Variants in TSPAN33 observed in about 807,000 individuals in gnomAD.
The protein encoded by TSPAN33 is tetraspanin-33.
TSPAN33 carries 27 observed loss-of-function variants against 34.8 expected under a neutral mutation model. That is an observed-to-expected ratio of 0.78 (90% confidence interval 0.57 to 1.07). TSPAN33 has a LOEUF of 1.07. Ranked by LOEUF, TSPAN33 falls within the 50% of genes least tolerant of loss-of-function variation. The pLI is 0.00. For synonymous variants in TSPAN33, 119 were observed against 124.2 expected (o/e 0.96, Z 0.28); for missense variants, 272 against 324.9 (o/e 0.84, Z 1.25).
chr7:129,166,911 G>A lies in TSPAN33; in HGVS notation c.588+5G>A. 2 of 1,612,066 alleles carry A rather than the reference G, an allele frequency of 1.2e-6. No homozygotes were observed. The highest frequency in any genetic ancestry group is 1.8e-4 in the Middle Eastern group (1 of 5,648). On this transcript the variant is annotated splice_donor_5th_base_variant and intron_variant, in intron 6 of 7. Transcript: ENST00000486685. ...TGCTTGCCTACTCCTGACCAGGTGA[G>A]CCAGCATCCTGCCTCATTTCCTCCT...
chr7:129,152,389 C>T (rs561864081), intron 1 of TSPAN33, among the ~76,000 whole-genome samples: 1 of 152,268 alleles, frequency 6.6e-6, no homozygotes, highest in East Asian at 1.9e-4. Context: ...AAGTATTATT[C>T]AGCGATAAAA....
Position 129,168,099 on chromosome 7 carries a change from G to T in TSPAN33, c.*225G>T, listed in dbSNP as rs903855384. ...CATCCCAGCCCTCAGCATTGTGCCAGAGTGATACCCTTAAGTGTTTGGGTT... is the reference window on the plus strand; with the variant it reads ...CATCCCAGCCCTCAGCATTGTGCCATAGTGATACCCTTAAGTGTTTGGGTT... On this transcript the variant is annotated 3_prime_UTR_variant, in exon 8 of 8. Coordinates refer to ENST00000486685, the MANE Select transcript of TSPAN33 (RefSeq NM_178562.5). The T allele has an allele frequency of 4.7e-6, 4 of 845,292 alleles. No individual in the cohort carries two copies. The African/African-American group carries it at 6.9e-5, about 15-fold the overall frequency. The allele number at this position is 845,292 out of a possible 1,614,324, so 52.4% of individuals were successfully genotyped here.
At chr7:129,145,963 T>C (rs1810514850) in intron 1 of TSPAN33, among the ~76,000 whole-genome samples, 1 of 151,952 alleles carries the variant, frequency 6.6e-6, no homozygotes, top group Middle Eastern at 3.2e-3. Flanking sequence ...GATCATGCAA[T>C]GCCAGCTCGA....
intron 1 of TSPAN33, among the ~76,000 whole-genome samples, chr7:129,147,403 G>A (rs1810535779): frequency 6.6e-6 from 1 of 152,124 alleles, no homozygotes; most frequent in South Asian, 2.1e-4. Context: ...TGTCCTGATT[G>A]CCCTTCCTAG....
chr7:129,146,704 T>G (rs1810524608), intron 1 of TSPAN33, among the ~76,000 whole-genome samples: 1 of 152,192 alleles, frequency 6.6e-6, no homozygotes, highest in African/African-American at 2.4e-5. Flanking sequence ...GGGGATGTAC[T>G]AAGAGACTCC....
In TSPAN33 at chr7:129,161,180, C is replaced by T. The variant is rs371483793; in HGVS notation, c.103-499C>T. ...CCTTGCACTCCTGGGCTCAAACCATCCTCCTGCCTCAGCCTGCTGAGTAGC... is the reference window on the plus strand; with the variant it reads ...CCTTGCACTCCTGGGCTCAAACCATTCTCCTGCCTCAGCCTGCTGAGTAGC... On this transcript the variant is annotated intron_variant, in intron 1 of 7. Coordinates refer to ENST00000486685, the MANE Select transcript of TSPAN33 (RefSeq NM_178562.5). 6.2e-4 allele frequency among the ~76,000 whole-genome samples: 94 copies of T among 152,338 alleles called. 3 individuals carry two copies. In the East Asian group the frequency reaches 0.011, roughly 17 times the overall value.
chr7:129,157,939 A>G (rs897387396), intron 1 of TSPAN33, among the ~76,000 whole-genome samples: 1 of 152,248 alleles, frequency 6.6e-6, no homozygotes, highest in Admixed American at 6.5e-5. Flanking sequence ...TGGTGGCCAG[A>G]AGGCCAAAAC....
intron 1 of TSPAN33, among the ~76,000 whole-genome samples, chr7:129,147,179 A>C (rs181008399): frequency 6.6e-6 from 1 of 152,318 alleles, no homozygotes; most frequent in East Asian, 1.9e-4. Flanking sequence ...GGCTCTAGAA[A>C]TAGCACACTG....
rs1793074679 is a variant in TSPAN33, at chr7:129,162,921, C to G, written c.363+14C>G. ...TTCTCAGACAAGGTAACACTGGGAG[C>G]CAGGAGGCCTCCTCAGGTGTGACCC... On this transcript the variant is annotated intron_variant, in intron 4 of 7. Coordinates refer to ENST00000486685, the MANE Select transcript of TSPAN33 (RefSeq NM_178562.5). 6.2e-7 allele frequency: 1 copy of G among 1,612,800 alleles called. No homozygotes were observed. The highest frequency in any genetic ancestry group is 8.5e-7 in the Non-Finnish European group (1 of 1,179,310).
chr7:129,152,689 A>AAAAC (rs35282489), intron 1 of TSPAN33, among the ~76,000 whole-genome samples: 17,153 of 151,556 alleles, frequency 0.11, 1,125 homozygotes, highest in East Asian at 0.2. Context: ...TCCATCTCAA[A>AAAAC]AAACAAACAA....
chr7:129,164,637 C>T lies in TSPAN33; in HGVS notation c.459+68C>T. The stretch of plus-strand genomic sequence containing the variant: ...AATGTCATCCCAAGAGATGCCTCAC[C>T]CTCTATGCCTGTGGGGCTCTTCATT... On this transcript the variant is annotated intron_variant, in intron 5 of 7. Coordinates refer to ENST00000486685, the MANE Select transcript of TSPAN33 (RefSeq NM_178562.5). 6.4e-6 allele frequency: 9 copies of T among 1,401,308 alleles called. 1 individual carries two copies. The South Asian group carries it at 1.0e-4, about 16-fold the overall frequency. The allele number at this position is 1,401,308 out of a possible 1,614,324, so 86.8% of individuals were successfully genotyped here.
intron 1 of TSPAN33, among the ~76,000 whole-genome samples, chr7:129,155,469 AC>A (rs1810653252): frequency 1.3e-5 from 2 of 152,246 alleles, no homozygotes; most frequent in Admixed American, 1.3e-4. Flanking sequence ...TAAACATTGT[AC>A]ACATGTATCA....
intron 1 of TSPAN33, among the ~76,000 whole-genome samples, chr7:129,153,112 T>C (rs1281643221): frequency 6.9e-6 from 1 of 145,632 alleles, no homozygotes; most frequent in Non-Finnish European, 1.5e-5. Flanking sequence ...TTCTGCTAAG[T>C]GAAAGAAGCC....
intron 1 of TSPAN33, among the ~76,000 whole-genome samples, chr7:129,153,079 AAAAG>A (rs1810622741): frequency 1.3e-5 from 2 of 151,330 alleles, no homozygotes; most frequent in African/African-American, 4.9e-5. Flanking sequence ...AAAAAAAAAA[AAAAG>A]AAAAAGAAAA....
intron 1 of TSPAN33, among the ~76,000 whole-genome samples, chr7:129,159,048 C>T (rs562813664): frequency 1.3e-5 from 2 of 150,948 alleles, no homozygotes; most frequent in Non-Finnish European, 3.0e-5. Flanking sequence ...TGCACCCGGC[C>T]CCACATTTTC....
chr7:129,162,519 A>C lies in TSPAN33; in HGVS notation c.286A>C (p.Thr96Pro). 1 of 1,612,534 alleles carries C rather than the reference A, an allele frequency of 6.2e-7. No individual in the cohort carries two copies. Among genetic ancestry groups the C allele is most frequent in the South Asian group, 1.1e-5 (1 of 91,080 alleles). The change falls in exon 3 of 8, where the codon ACG becomes CCG. Residue 96 changes from threonine to proline, a missense_variant and splice_region_variant. By Grantham distance (38) the Thr-to-Pro change is conservative. Transcript: ENST00000486685. The stretch of plus-strand genomic sequence containing the variant: ...CCGCGAGAACATCTGCCTCCTGCAG[A>C]CGGTGAGTGGTCAAGGCCCCACTGG... ...SLRENICLLQ[T>P]FSLCLTAVFL...
intron 1 of TSPAN33, among the ~76,000 whole-genome samples, chr7:129,145,732 G>A (rs1810511702): frequency 6.6e-6 from 1 of 151,844 alleles, no homozygotes; most frequent in Non-Finnish European, 1.5e-5. Context: ...GGGCCGGAGG[G>A]CCAGGGGTCC....
Position 129,161,675 on chromosome 7 carries a change from A to G in TSPAN33, c.103-4A>G. On this transcript the variant is annotated splice_polypyrimidine_tract_variant and splice_region_variant and intron_variant, in intron 1 of 7. Coordinates refer to ENST00000486685, the MANE Select transcript of TSPAN33 (RefSeq NM_178562.5). ...AGGGTCTGGCTCTTTTCCTGTCTCC[A>G]CAGGTGATTTCCATGGTGATGGTGG... 6.2e-7 allele frequency: 1 copy of G among 1,614,004 alleles called. No individual in the cohort carries two copies. The highest frequency in any genetic ancestry group is 1.6e-4 in the Middle Eastern group (1 of 6,062).
chr7:129,158,718 G>A lies in TSPAN33; in HGVS notation c.103-2961G>A, dbSNP rs571806464. Among the ~76,000 whole-genome samples, 10 of 152,184 alleles carry A rather than the reference G, an allele frequency of 6.6e-5. No homozygotes were observed. The South Asian group carries it at 1.7e-3, about 25-fold the overall frequency. Reference sequence around the variant, plus strand: ...TGATTTCATTCGTTTTTATGGCTGCGTAGTATTCCATGGTATATATGTACC... The same window carrying A: ...TGATTTCATTCGTTTTTATGGCTGCATAGTATTCCATGGTATATATGTACC... On this transcript the variant is annotated intron_variant, in intron 1 of 7. Transcript: ENST00000486685.
Sources: allele counts gnomAD v4.1 joint callset (sites outside exome capture counted in the v4.1 genomes callset), GRCh38; gene constraint gnomAD v4.1.1; transcripts MANE v1.5; gene names NCBI Gene and HGNC (gene_info 2026-07-23, HGNC 2026-07-21).